Variants in CHL1 observed in about 807,000 individuals in gnomAD.
CHL1 encodes neural cell adhesion molecule L1-like protein.
A neutral mutation model predicts 141.9 loss-of-function variants in CHL1; 96 were observed. The observed-to-expected ratio is 0.68, with a 90% CI of 0.57 to 0.80. The LOEUF is 0.80. Ranked by LOEUF, CHL1 falls within the 30% of genes least tolerant of loss-of-function variation. CHL1 has a pLI of 0.00. For synonymous variants in CHL1, 613 were observed against 502.2 expected, an observed-to-expected ratio of 1.22 and a Z score of -2.95; for missense variants, 1,820 against 1,457.2, an observed-to-expected ratio of 1.25 and a Z score of -4.05.
At chr3:277,487 A>T (rs1696248696) in intron 2 of CHL1, among the ~76,000 whole-genome samples, 4 of 152,082 alleles carry the variant, frequency 2.6e-5, no homozygotes, top group Admixed American at 2.6e-4. Flanking sequence ...GTATATTTTC[A>T]TTTTCTCTTT....
At position 378,287 on chromosome 3, in the gene CHL1, G is replaced by A. The variant is rs141650114; in HGVS notation, c.1876+345G>A. ...AGAAATGGGGCTGAGGAATGGAGGT[G>A]GGCTAGACTGGAGGATCTCGATAGG... On this transcript the variant is annotated intron_variant, in intron 16 of 27. Transcript: ENST00000256509. Among the ~76,000 whole-genome samples, 177 of 152,232 alleles carry A rather than the reference G, an allele frequency of 1.2e-3. 1 individual carries two copies. Among genetic ancestry groups the A allele is most frequent in the African/African-American group, 3.9e-3 (162 of 41,530 alleles).
At chr3:226,865 G>A (rs1011379262) in intron 1 of CHL1, among the ~76,000 whole-genome samples, 1 of 152,098 alleles carries the variant, frequency 6.6e-6, no homozygotes, top group African/African-American at 2.4e-5. Flanking sequence ...CCTTTTCTAA[G>A]TAGACTTCAT....
chr3:400,586 C>T (rs75754445), intron 26 of CHL1, among the ~76,000 whole-genome samples: 12 of 139,512 alleles, frequency 8.6e-5, no homozygotes, highest in Admixed American at 1.4e-4. Flanking sequence ...TATTTGAGGG[C>T]TTTTTTTTTT....
chr3:269,764 G>T (rs1321135713), intron 2 of CHL1, among the ~76,000 whole-genome samples: 2 of 152,166 alleles, frequency 1.3e-5, no homozygotes, highest in Non-Finnish European at 2.9e-5. Flanking sequence ...GACCTCAAGT[G>T]ATCCATCTGC....
At chr3:259,549 C>G (rs1349137478) in intron 2 of CHL1, among the ~76,000 whole-genome samples, 1 of 152,056 alleles carries the variant, frequency 6.6e-6, no homozygotes, top group Non-Finnish European at 1.5e-5. Context: ...ATCATCTTAT[C>G]AGGGAGGCCT....
chr3:323,348 A>C (rs1490172591), intron 3 of CHL1, among the ~76,000 whole-genome samples: 1 of 152,128 alleles, frequency 6.6e-6, no homozygotes, highest in African/African-American at 2.4e-5. Flanking sequence ...TGGCAATTCT[A>C]ACAAGTGTCA....
chr3:218,482 T>C (rs1700529530), intron 1 of CHL1, among the ~76,000 whole-genome samples: 1 of 152,222 alleles, frequency 6.6e-6, no homozygotes, highest in Non-Finnish European at 1.5e-5. Context: ...ACCCACATCC[T>C]CTTTTCCAAA....
chr3:363,124 G>A, intron 13 of CHL1, 93 bp from the exon 14 acceptor site: 1 of 1,036,484 alleles, frequency 9.6e-7, no homozygotes, highest in Non-Finnish European at 1.4e-6. Flanking sequence ...GCTATTGAAA[G>A]GGGATTAGCC....
chr3:382,055 G>T, intron 16 of CHL1, 124 bp from the exon 17 acceptor site: 1 of 621,664 alleles, frequency 1.6e-6, no homozygotes. Flanking sequence ...GGGGGCGGGG[G>T]TGCTTCCCAG....
intron 19 of CHL1, among the ~76,000 whole-genome samples, chr3:387,978 T>C (rs944201393): frequency 6.6e-6 from 1 of 152,198 alleles, no homozygotes; most frequent in African/African-American, 2.4e-5. Context: ...GTAAATTAGA[T>C]TAAGTTGAGA....
At chr3:303,027 G>C (rs1032023356) in intron 2 of CHL1, among the ~76,000 whole-genome samples, 1 of 152,112 alleles carries the variant, frequency 6.6e-6, no homozygotes, top group Non-Finnish European at 1.5e-5. Context: ...GTGTGTGTCA[G>C]GTTTGTCAAA....
At position 345,996 on chromosome 3, in the gene CHL1, C is replaced by T. The variant is rs190960212; in HGVS notation, c.848+1287C>T. Reference sequence around the variant, plus strand: ...TGAGGATACCTTGGGAAAATGCATTCCAGCTTCCTAGCACCTGGGATTACT... The same window carrying T: ...TGAGGATACCTTGGGAAAATGCATTTCAGCTTCCTAGCACCTGGGATTACT... On this transcript the variant is annotated intron_variant, in intron 9 of 27. Coordinates refer to ENST00000256509, the MANE Select transcript of CHL1 (RefSeq NM_006614.4). Among the ~76,000 whole-genome samples, 197 of 152,288 alleles carry T rather than the reference C, an allele frequency of 1.3e-3. 1 individual carries two copies. Among genetic ancestry groups the T allele is most frequent in the Non-Finnish European group, 1.5e-3 (99 of 68,024 alleles).
chr3:271,362 C>CCA (rs1360050920), intron 2 of CHL1, among the ~76,000 whole-genome samples: 2 of 152,108 alleles, frequency 1.3e-5, no homozygotes, highest in Non-Finnish European at 2.9e-5. Context: ...CTGCTTGAGC[C>CCA]CAGCAGTTGG....
At chr3:347,221 A>G (rs572206060) in intron 9 of CHL1, among the ~76,000 whole-genome samples, 1 of 152,252 alleles carries the variant, frequency 6.6e-6, no homozygotes, top group African/African-American at 2.4e-5. Flanking sequence ...CTTTCACAAG[A>G]TACTACTTTA....
intron 16 of CHL1, among the ~76,000 whole-genome samples, chr3:381,421 A>T (rs991297988): frequency 6.6e-6 from 1 of 152,160 alleles, no homozygotes; most frequent in Non-Finnish European, 1.5e-5. Flanking sequence ...ACCAAACAAG[A>T]ACTGGTCAGC....
intron 12 of CHL1, among the ~76,000 whole-genome samples, chr3:361,201 A>G (rs12490993): frequency 0.52 from 76,744 of 148,268 alleles, 21,093 homozygotes; most frequent in Middle Eastern, 0.68. Flanking sequence ...CCTTCCTTAC[A>G]CCTTATACAA....
chr3:289,577 A>T (rs1393085021), intron 2 of CHL1, among the ~76,000 whole-genome samples: 1 of 152,160 alleles, frequency 6.6e-6, no homozygotes, highest in Non-Finnish European at 1.5e-5. Context: ...GGTAAATAAG[A>T]GCTTGGTTCC....
At chr3:267,530 TTA>T (rs1695260199) in intron 2 of CHL1, among the ~76,000 whole-genome samples, 1 of 152,206 alleles carries the variant, frequency 6.6e-6, no homozygotes, top group Admixed American at 6.5e-5. Flanking sequence ...ATTTTTGATT[TTA>T]TGTTATTTTA....
intron 1 of CHL1, among the ~76,000 whole-genome samples, chr3:224,452 G>T (rs1182190284): frequency 2.0e-5 from 3 of 152,128 alleles, no homozygotes; most frequent in Non-Finnish European, 4.4e-5. Flanking sequence ...AACAGATCCC[G>T]TATGGCCTGG....
Sources: gnomAD v4.1 joint callset for allele counts (sites outside exome capture counted in the v4.1 genomes callset) on GRCh38, gnomAD v4.1.1 for gene constraint, MANE v1.5 for transcripts, NCBI Gene and HGNC (gene_info 2026-07-23, HGNC 2026-07-21) for gene names.